Variants in TXLNB observed in about 807,000 individuals in gnomAD.
The protein encoded by TXLNB is taxilin beta, also known as beta-taxilin.
TXLNB carries 37 observed loss-of-function variants against 57.4 expected under a neutral mutation model. The observed-to-expected ratio is 0.64, with a 90% CI of 0.50 to 0.85. TXLNB has a LOEUF of 0.85. TXLNB is among the 40% of genes least tolerant of loss of function. TXLNB has a pLI of 0.00. For missense variants in TXLNB, 848 were observed against 825.6 expected (o/e 1.03, Z -0.33); for synonymous variants, 302 against 309.6 (o/e 0.98, Z 0.26).
chr6:139,265,707 A>G (rs757086048), intron 4 of TXLNB, among the ~76,000 whole-genome samples: 56 of 152,242 alleles, frequency 3.7e-4, no homozygotes, highest in Admixed American at 2.6e-3. Context: ...ATGACACTAG[A>G]GAGTAAACAA....
At chr6:139,184,358 G>T in the TXLNB span, among the ~76,000 whole-genome samples, 8 of 152,220 alleles carry the variant, frequency 5.3e-5, no homozygotes. Flanking sequence ...AGCAACACAG[G>T]CGCCAACATA....
the TXLNB span, among the ~76,000 whole-genome samples, chr6:139,181,915 C>A: frequency 6.6e-6 from 1 of 152,290 alleles, no homozygotes; most frequent in African/African-American, 2.4e-5. Flanking sequence ...AATAAACATA[C>A]AATTTTAAAA....
chr6:139,234,836 A>G, the TXLNB span, among the ~76,000 whole-genome samples: 1 of 152,176 alleles, frequency 6.6e-6, no homozygotes, highest in South Asian at 2.1e-4. Flanking sequence ...ATCCACCAAC[A>G]GCCTGCACCA....
chr6:139,193,260 T>TTTTTTTTTG, the TXLNB span, among the ~76,000 whole-genome samples: 1 of 148,380 alleles, frequency 6.7e-6, no homozygotes, highest in Non-Finnish European at 1.5e-5. Flanking sequence ...TTTTTTTTTT[T>TTTTTTTTTG]ATCATTGTCT....
chr6:139,216,122 G>A, the TXLNB span, among the ~76,000 whole-genome samples: 1 of 152,098 alleles, frequency 6.6e-6, no homozygotes, highest in Admixed American at 6.6e-5. Context: ...TCTCATTACT[G>A]GGTATATACC....
rs150914276 is a variant in TXLNB at position 139,285,657 on chromosome 6, C to G, written c.424+2819G>C. On this transcript the variant is annotated intron_variant, in intron 2 of 9. Coordinates refer to ENST00000358430, the MANE Select transcript of TXLNB (RefSeq NM_153235.4). ...TGTATTATTTAGGCCTTCTTGAAAG[C>G]ATTGTAGCAATGGGTTTTAGCATCA... 2.5e-3 allele frequency among the ~76,000 whole-genome samples: 363 copies of G among 145,140 alleles called. 50 individuals are homozygous for G. The highest frequency in any genetic ancestry group is 4.1e-3 in the Non-Finnish European group (269 of 65,272).
chr6:139,211,608 C>T, the TXLNB span, among the ~76,000 whole-genome samples: 1 of 152,196 alleles, frequency 6.6e-6, no homozygotes, highest in African/African-American at 2.4e-5. Context: ...TCCTCACCAG[C>T]AACGGAACAA....
At chr6:139,194,184 AC>A in the TXLNB span, among the ~76,000 whole-genome samples, 6 of 151,618 alleles carry the variant, frequency 4.0e-5, no homozygotes, top group Non-Finnish European at 8.8e-5. Flanking sequence ...CTCATGATCC[AC>A]CCGCCTCAGC....
the TXLNB span, among the ~76,000 whole-genome samples, chr6:139,302,000 T>C: frequency 6.6e-6 from 1 of 152,128 alleles, no homozygotes; most frequent in East Asian, 1.9e-4. Flanking sequence ...TGAATGTTTT[T>C]TGGGGTGGAA....
chr6:139,323,862 C>T, the TXLNB span, among the ~76,000 whole-genome samples: 2 of 152,130 alleles, frequency 1.3e-5, no homozygotes, highest in African/African-American at 4.8e-5. Flanking sequence ...CAAAATTAGG[C>T]AGCTGTGGTT....
the TXLNB span, among the ~76,000 whole-genome samples, chr6:139,198,858 G>A: frequency 6.6e-6 from 1 of 152,164 alleles, no homozygotes; most frequent in Non-Finnish European, 1.5e-5. Flanking sequence ...ACCCCAGGGA[G>A]CGTCATCATT....
At chr6:139,284,105 A>G (rs1244005771) in intron 2 of TXLNB, among the ~76,000 whole-genome samples, 1 of 145,706 alleles carries the variant, frequency 6.9e-6, no homozygotes, top group Non-Finnish European at 1.5e-5. Context: ...CTGCTCTTGC[A>G]CTTACACTAT....
upstream of TXLNB, among the ~76,000 whole-genome samples, chr6:139,293,034 A>G (rs1777330835): frequency 6.6e-6 from 1 of 152,132 alleles, no homozygotes. Context: ...AGATGTGAGG[A>G]AGGATCCTGA....
intron 2 of TXLNB, among the ~76,000 whole-genome samples, chr6:139,280,797 T>C (rs1777028688): frequency 6.6e-6 from 1 of 152,236 alleles, no homozygotes; most frequent in Non-Finnish European, 1.5e-5. Context: ...AGACTGTGAA[T>C]GTCCCTCTTT....
intron 1 of TXLNB, among the ~76,000 whole-genome samples, chr6:139,289,371 G>A (rs1468360256): frequency 1.3e-5 from 2 of 152,128 alleles, no homozygotes; most frequent in Non-Finnish European, 2.9e-5. Context: ...TCACGTGCAC[G>A]CACTTAGAGT....
chr6:139,193,022 G>A, the TXLNB span, among the ~76,000 whole-genome samples: 213 of 151,680 alleles, frequency 1.4e-3, 1 homozygote, highest in African/African-American at 5.0e-3. Flanking sequence ...AAGATCACTG[G>A]TGACCTCCAT....
the TXLNB span, among the ~76,000 whole-genome samples, chr6:139,196,818 C>A: frequency 6.6e-6 from 1 of 152,120 alleles, no homozygotes; most frequent in African/African-American, 2.4e-5. Context: ...GAGTTCTATA[C>A]TATCTTTGGT....
At chr6:139,218,064 T>C in the TXLNB span, among the ~76,000 whole-genome samples, 3 of 152,096 alleles carry the variant, frequency 2.0e-5, no homozygotes, top group African/African-American at 7.2e-5. Context: ...ATGGCAGCTG[T>C]ACACGGTGGC....
chr6:139,308,463 T>C, the TXLNB span, among the ~76,000 whole-genome samples: 7 of 152,234 alleles, frequency 4.6e-5, no homozygotes, highest in African/African-American at 1.7e-4. Context: ...ATAAAATATC[T>C]TGTGAAGAGT....
Sources: allele counts gnomAD v4.1 joint callset (sites outside exome capture counted in the v4.1 genomes callset), GRCh38; gene constraint gnomAD v4.1.1; transcripts MANE v1.5; gene names NCBI Gene and HGNC (gene_info 2026-07-23, HGNC 2026-07-21).